Variants in OCIAD1 observed in about 807,000 individuals in gnomAD.
OCIAD1 encodes the protein OCIA domain-containing protein 1.
In OCIAD1, 29 loss-of-function variants were observed where a neutral mutation model predicts 38.9. The observed-to-expected ratio is 0.74, with a 90% confidence interval of 0.55 to 1.02. The LOEUF is 1.02. Among genes scored for constraint, OCIAD1 ranks in the 50% least tolerant of loss-of-function variants. OCIAD1 has a pLI of 0.00. For synonymous variants in OCIAD1, 110 were observed against 92.0 expected, an observed-to-expected ratio of 1.20 and a Z score of -1.12; for missense variants, 288 against 289.6, an observed-to-expected ratio of 0.99 and a Z score of 0.04.
intron 1 of OCIAD1, among the ~76,000 whole-genome samples, chr4:48,824,145 ATTTTTTGTAT>A (rs1190606693): frequency 1.3e-5 from 2 of 151,654 alleles, no homozygotes; most frequent in Non-Finnish European, 2.9e-5. Context: ...TGCCCAGCTA[ATTTTTTGTAT>A]TTTTTTGTAG....
At chr4:48,820,571 T>C (rs1173708044) in intron 1 of OCIAD1, among the ~76,000 whole-genome samples, 1 of 151,726 alleles carries the variant, frequency 6.6e-6, no homozygotes, top group Non-Finnish European at 1.5e-5. Context: ...CTGAAGGAGA[T>C]AGAGACATGA....
At chr4:48,809,053 C>T (rs1184283050) in intron 1 of OCIAD1, among the ~76,000 whole-genome samples, 1 of 152,102 alleles carries the variant, frequency 6.6e-6, no homozygotes, top group Non-Finnish European at 1.5e-5. Context: ...TAGTTCAAGC[C>T]TTCATTTTTT....
rs1579100853 is a variant in OCIAD1, at chr4:48,851,704, A to G, written c.378-102A>G. ...AAAATAAAAAAAATTATATGTATAT[A>G]TAATTTTGGAAATAAGCTATATGAA... On this transcript the variant is annotated intron_variant, in intron 6 of 8. Transcript: ENST00000264312. 2.8e-5 allele frequency: 16 copies of G among 568,800 alleles called. No individual in the cohort carries two copies. The East Asian group carries it at 4.1e-4, about 15-fold the overall frequency. 35.2% of individuals were successfully genotyped at this position (568,800 alleles called of 1,614,324 possible).
intron 7 of OCIAD1, among the ~76,000 whole-genome samples, chr4:48,855,606 T>C (rs1579113459): frequency 6.6e-6 from 1 of 152,010 alleles, no homozygotes; most frequent in Admixed American, 6.6e-5. Context: ...TCACCTGAGG[T>C]CAGAGTTCAA....
intron 4 of OCIAD1, 104 bp downstream of exon 4, chr4:48,842,793 T>A (rs1778653839): frequency 3.3e-6 from 2 of 614,896 alleles, no homozygotes; most frequent in Non-Finnish European, 5.5e-6. Flanking sequence ...TGTATCATAT[T>A]AAACACTATG....
chr4:48,854,478 T>C (rs1331090763), intron 7 of OCIAD1, among the ~76,000 whole-genome samples: 1 of 152,236 alleles, frequency 6.6e-6, no homozygotes, highest in Non-Finnish European at 1.5e-5. Flanking sequence ...AAGGGGGCAC[T>C]ACTGTATTCT....
rs765644170 is a variant in OCIAD1, at chr4:48,850,028, C to A, written c.323C>A (p.Ser108Tyr). 2 of 1,612,984 alleles carry A rather than the reference C, an allele frequency of 1.2e-6. No homozygotes were observed. Among genetic ancestry groups the A allele is most frequent in the Non-Finnish European group, 8.5e-7 (1 of 1,179,564 alleles). The change falls in exon 6 of 9, where the codon TCC becomes TAC. Residue 108 changes from serine to tyrosine, a missense_variant. By Grantham distance (144) the Ser-to-Tyr change is moderately radical. Transcript: ENST00000264312. ...CQEKFKKLENSPLGEALRSGQ... is the reference protein window; with the variant it reads ...CQEKFKKLENYPLGEALRSGQ... ...GAGAAATTCAAGAAACTTGAAAATT[C>A]CCCCCTTGGAGAAGCTTTACGATCA...
At chr4:48,810,551 C>G (rs1198439773) in intron 1 of OCIAD1, among the ~76,000 whole-genome samples, 2 of 150,694 alleles carry the variant, frequency 1.3e-5, no homozygotes, top group Non-Finnish European at 2.9e-5. Flanking sequence ...TCAAGGGATT[C>G]TCTTATCTGT....
At chr4:48,821,414 G>A (rs1014115734) in intron 1 of OCIAD1, among the ~76,000 whole-genome samples, 1 of 152,168 alleles carries the variant, frequency 6.6e-6, no homozygotes, top group Non-Finnish European at 1.5e-5. Flanking sequence ...AATAATAAGA[G>A]CTATTTATGA....
At chr4:48,826,899 A>G (rs1777257452), upstream of OCIAD1, among the ~76,000 whole-genome samples, 1 of 152,220 alleles carries the variant, frequency 6.6e-6, no homozygotes, top group Non-Finnish European at 1.5e-5. Context: ...ATAAAACTAC[A>G]CTTGCAAAAG....
intron 5 of OCIAD1, 76 bp from the exon 6 acceptor site, chr4:48,849,871 C>T (rs572786237): frequency 1.5e-6 from 2 of 1,330,984 alleles, no homozygotes; most frequent in African/African-American, 1.5e-5. Flanking sequence ...CACTTTAAAA[C>T]AAATTTTTCT....
rs533695456 is a variant in OCIAD1 at position 48,811,048 on chromosome 4, AG to A, written c.-103+5719del. Among the ~76,000 whole-genome samples, 419 of 151,962 alleles carry A rather than the reference AG, an allele frequency of 2.8e-3. 1 individual carries two copies. The highest frequency in any genetic ancestry group is 9.6e-3 in the African/African-American group (400 of 41,462). On this transcript the variant is annotated intron_variant, in intron 1 of 6. Coordinates refer to the OCIAD1 transcript ENST00000504654. Reference sequence around the variant, plus strand: ...TTTTTTGTGTTTTTAATAGAGACAGAGTTTTGTCATGTTGTCCAGGCTGGTC... The same window carrying A: ...TTTTTTGTGTTTTTAATAGAGACAGATTTTGTCATGTTGTCCAGGCTGGTC...
At chr4:48,847,557 T>G (rs1245305429) in intron 4 of OCIAD1, among the ~76,000 whole-genome samples, 2 of 152,224 alleles carry the variant, frequency 1.3e-5, no homozygotes, top group Non-Finnish European at 2.9e-5. Context: ...TATTTAAATT[T>G]TTAAGCCATC....
intron 4 of OCIAD1, among the ~76,000 whole-genome samples, chr4:48,843,668 C>G (rs2109557716): frequency 6.6e-6 from 1 of 152,172 alleles, no homozygotes; most frequent in South Asian, 2.1e-4. Flanking sequence ...GTCCTTAAGA[C>G]TAAGCTGTTT....
At chr4:48,843,107 C>T (rs1296280089) in intron 4 of OCIAD1, among the ~76,000 whole-genome samples, 1 of 152,048 alleles carries the variant, frequency 6.6e-6, no homozygotes, top group Non-Finnish European at 1.5e-5. Context: ...TGTCTGATCA[C>T]CTGGGGCGGA....
chr4:48,810,882 CTTTCTT>C (rs1223962420), intron 1 of OCIAD1, among the ~76,000 whole-genome samples: 2 of 40,766 alleles, frequency 4.9e-5, no homozygotes, highest in African/African-American at 2.1e-4. Context: ...TTTCTTTTTT[CTTTCTT>C]TCTTTCTTTT....
At chr4:48,846,047 A>G (rs1309713701) in intron 4 of OCIAD1, among the ~76,000 whole-genome samples, 1 of 152,248 alleles carries the variant, frequency 6.6e-6, no homozygotes, top group African/African-American at 2.4e-5. Context: ...TGACACTATT[A>G]TCTTTGTCTT....
chr4:48,860,674 C>T, intron 8 of OCIAD1, 51 bp from the exon 9 acceptor site: 9 of 1,302,808 alleles, frequency 6.9e-6, no homozygotes, highest in Non-Finnish European at 1.0e-5. Flanking sequence ...AAAATAATGT[C>T]TTTTACTTAT....
At chr4:48,844,577 C>G (rs567697189) in intron 4 of OCIAD1, among the ~76,000 whole-genome samples, 1 of 152,180 alleles carries the variant, frequency 6.6e-6, no homozygotes, top group African/African-American at 2.4e-5. Context: ...GATGGCGCCA[C>G]TGCACTCTAG....
Sources: allele counts gnomAD v4.1 joint callset (sites outside exome capture counted in the v4.1 genomes callset), GRCh38; gene constraint gnomAD v4.1.1; transcripts MANE v1.5; gene names NCBI Gene and HGNC (gene_info 2026-07-23, HGNC 2026-07-21).